Variants in YTHDF3 observed in about 807,000 individuals in gnomAD.
The protein encoded by YTHDF3 is YTH N6-methyladenosine RNA binding protein F3.
YTHDF3 carries 9 observed loss-of-function variants against 52.5 expected under a neutral mutation model. The ratio of observed to expected loss-of-function variants is 0.17; its 90% CI spans 0.10 to 0.30. The LOEUF is 0.30. Ranked by LOEUF, YTHDF3 falls within the 10% of genes least tolerant of loss-of-function variation. The pLI, the probability that YTHDF3 is intolerant of heterozygous loss-of-function variation, is 1.00. For missense variants in YTHDF3, 534 were observed against 715.0 expected (o/e 0.75, Z 2.89); for synonymous variants, 274 against 243.3 (o/e 1.13, Z -1.18).
At chr8:63,202,729 C>T (rs1441590013) in intron 4 of YTHDF3, among the ~76,000 whole-genome samples, 1 of 152,018 alleles carries the variant, frequency 6.6e-6, no homozygotes. Context: ...TCCCAAAGTG[C>T]TGGGATTACA....
At chr8:63,206,167 G>A (rs141311216) in intron 4 of YTHDF3, among the ~76,000 whole-genome samples, 4 of 151,980 alleles carry the variant, frequency 2.6e-5, no homozygotes, top group Non-Finnish European at 4.4e-5. Context: ...TCTGCCTCCC[G>A]GGTTCAAGTG....
chr8:63,185,705 T>G (rs1016482494), intron 3 of YTHDF3, among the ~76,000 whole-genome samples: 19 of 152,234 alleles, frequency 1.2e-4, no homozygotes, highest in African/African-American at 4.6e-4. Flanking sequence ...AATTCCTCTA[T>G]TATTCGGCAG....
At chr8:63,171,892 A>G (rs1378538857) in intron 2 of YTHDF3, among the ~76,000 whole-genome samples, 1 of 152,148 alleles carries the variant, frequency 6.6e-6, no homozygotes, top group Non-Finnish European at 1.5e-5. Flanking sequence ...AATTGTCTTT[A>G]GTTGACAGCT....
chr8:63,207,044 A>G (rs183202671), intron 4 of YTHDF3, among the ~76,000 whole-genome samples: 2 of 152,250 alleles, frequency 1.3e-5, no homozygotes, highest in African/African-American at 4.8e-5. Context: ...TATTTTTGCT[A>G]ATGTGTAAAT....
chr8:63,203,884 A>C (rs1809809494), intron 4 of YTHDF3, among the ~76,000 whole-genome samples: 1 of 152,260 alleles, frequency 6.6e-6, no homozygotes, highest in East Asian at 1.9e-4. Context: ...AGTATACCAC[A>C]GAAGTGATGT....
chr8:63,204,314 A>G (rs369383867), intron 4 of YTHDF3, among the ~76,000 whole-genome samples: 19 of 150,144 alleles, frequency 1.3e-4, no homozygotes, highest in African/African-American at 4.6e-4. Context: ...GATTTTTTCA[A>G]TTTGAAAATC....
chr8:63,173,054 G>A (rs1315855979), intron 2 of YTHDF3, among the ~76,000 whole-genome samples: 1 of 151,418 alleles, frequency 6.6e-6, no homozygotes, highest in Non-Finnish European at 1.5e-5. Context: ...TTGACTTTTT[G>A]TACTATATTT....
At chr8:63,180,178 C>G (rs1486730259) in intron 3 of YTHDF3, among the ~76,000 whole-genome samples, 1 of 149,174 alleles carries the variant, frequency 6.7e-6, no homozygotes, top group Non-Finnish European at 1.5e-5. Context: ...ACTTCTCAGA[C>G]GGGGCGGCTT....
chr8:63,168,752 A>C lies in YTHDF3; in HGVS notation c.-126A>C. 1 of 1,540,944 alleles carries C rather than the reference A, an allele frequency of 6.5e-7. No homozygotes were observed. Among genetic ancestry groups the C allele is most frequent in the South Asian group, 1.2e-5 (1 of 83,746 alleles). On this transcript the variant is annotated 5_prime_UTR_variant, in exon 1 of 5. Coordinates refer to ENST00000539294, the MANE Select transcript of YTHDF3 (RefSeq NM_152758.6). ...CGCGAGGCCCTCATTTTGGGTTCTC[A>C]GCGAACGGCGGCAGCGGCGGCGGCT...
chr8:63,202,992 A>G (rs1016096445), intron 4 of YTHDF3, among the ~76,000 whole-genome samples: 2 of 152,110 alleles, frequency 1.3e-5, no homozygotes, highest in South Asian at 2.1e-4. Context: ...CTGTAATCCT[A>G]TCACTAAGGG....
chr8:63,175,217 CAGT>C (rs1402410182), intron 2 of YTHDF3, 111 bp from the exon 3 acceptor site: 7 of 687,942 alleles, frequency 1.0e-5, no homozygotes, highest in African/African-American at 1.8e-5. Flanking sequence ...AAAAATAACT[CAGT>C]ATTATTTTTT....
Position 63,168,682 on chromosome 8 carries a change from G to A in YTHDF3, c.-196G>A, listed in dbSNP as rs558714333. 7 of 975,370 alleles carry A rather than the reference G, an allele frequency of 7.2e-6. No homozygotes were observed. In the Admixed American group the frequency reaches 1.1e-4, roughly 15 times the overall value. The allele number at this position is 975,370 out of a possible 1,614,324, so 60.4% of individuals were successfully genotyped here. A position where few individuals can be genotyped will look rare whatever the true frequency, so the allele number is the denominator to read the frequency against. ...AAGCAGAGAGCGAGAGGGGGAAGAG[G>A]AGCGTGCAAGCGGAAAAGACGGGCC... On this transcript the variant is annotated 5_prime_UTR_variant, in exon 1 of 5. Coordinates refer to ENST00000539294, the MANE Select transcript of YTHDF3 (RefSeq NM_152758.6).
rs188106102 is a variant in YTHDF3, at chr8:63,212,623, C to T, written c.*2917C>T. On this transcript the variant is annotated 3_prime_UTR_variant, in exon 5 of 5. Transcript: ENST00000539294. ...TATGATAAAATGATTAGTTCATTTA[C>T]ATTCACTTGTAGCAATTACATGAGA... The T allele has an allele frequency of 6.5e-6, 1 of 152,700 alleles. No individual in the cohort carries two copies. Among genetic ancestry groups the T allele is most frequent in the African/African-American group, 2.4e-5 (1 of 41,558 alleles). 9.5% of individuals were successfully genotyped at this position (152,700 alleles called of 1,614,324 possible). A position where few individuals can be genotyped will look rare whatever the true frequency, so the allele number is the denominator to read the frequency against.
rs115024688 is a variant in YTHDF3, at chr8:63,207,050, T to C, written c.1735-2633T>C. Among the ~76,000 whole-genome samples the C allele has an allele frequency of 8.0e-3, 1,212 of 152,318 alleles. 23 individuals carry two copies. The highest frequency in any genetic ancestry group is 0.028 in the African/African-American group (1,168 of 41,580). On this transcript the variant is annotated intron_variant, in intron 4 of 4. Coordinates refer to ENST00000539294, the MANE Select transcript of YTHDF3 (RefSeq NM_152758.6). Reference sequence around the variant, plus strand: ...CTCAATCTGTATTTTTGCTAATGTGTAAATGTGTTAAGTTCTCCTGCTCTC... The same window carrying C: ...CTCAATCTGTATTTTTGCTAATGTGCAAATGTGTTAAGTTCTCCTGCTCTC...
In YTHDF3 at chr8:63,180,144, G is replaced by A. The variant is rs1452606845; in HGVS notation, c.135+4728G>A. On this transcript the variant is annotated intron_variant, in intron 3 of 4. Coordinates refer to ENST00000539294, the MANE Select transcript of YTHDF3 (RefSeq NM_152758.6). Reference sequence around the variant, plus strand: ...ATGCTCCTCACTTCTCAAATGGGGTGGCTGCTGGGCGGAGGGGCTCCTCAC... The same window carrying A: ...ATGCTCCTCACTTCTCAAATGGGGTAGCTGCTGGGCGGAGGGGCTCCTCAC... 2.6e-5 allele frequency among the ~76,000 whole-genome samples: 4 copies of A among 152,098 alleles called. No individual in the cohort carries two copies. The East Asian group carries it at 7.8e-4, about 30-fold the overall frequency.
intron 4 of YTHDF3, among the ~76,000 whole-genome samples, chr8:63,204,873 A>G (rs1809910437): frequency 6.6e-6 from 1 of 152,300 alleles, no homozygotes; most frequent in Non-Finnish European, 1.5e-5. Context: ...GCTAATGGTG[A>G]TAAATCTACC....
chr8:63,180,339 C>CG (rs1482890379), intron 3 of YTHDF3, among the ~76,000 whole-genome samples: 1 of 150,012 alleles, frequency 6.7e-6, no homozygotes, highest in South Asian at 2.1e-4. Context: ...AGACGATGGG[C>CG]GGCTGGGCAG....
intron 4 of YTHDF3, among the ~76,000 whole-genome samples, chr8:63,192,691 T>G (rs1808985151): frequency 6.6e-6 from 1 of 152,228 alleles, no homozygotes; most frequent in African/African-American, 2.4e-5. Context: ...GTATAACTGC[T>G]TTCAAATACT....
At chr8:63,205,309 C>T (rs74917086) in intron 4 of YTHDF3, among the ~76,000 whole-genome samples, 2 of 152,068 alleles carry the variant, frequency 1.3e-5, no homozygotes, top group Non-Finnish European at 2.9e-5. Flanking sequence ...TTCCTTTATC[C>T]TCAAGTTACT....
Sources: gnomAD v4.1 joint callset for allele counts (sites outside exome capture counted in the v4.1 genomes callset) on GRCh38, gnomAD v4.1.1 for gene constraint, MANE v1.5 for transcripts, NCBI Gene and HGNC (gene_info 2026-07-23, HGNC 2026-07-21) for gene names.